Variants in PLA2G4C observed in about 807,000 individuals in gnomAD.
PLA2G4C encodes cytosolic phospholipase A2 gamma.
Under a neutral mutation model 73.8 loss-of-function variants are expected in PLA2G4C, and 64 were observed. The ratio of observed to expected loss-of-function variants is 0.87; its 90% CI spans 0.71 to 1.07. The LOEUF (loss-of-function observed/expected upper bound fraction) is 1.07, where lower values mean the gene tolerates loss of function less well. Among genes scored for constraint, PLA2G4C ranks in the 50% least tolerant of loss-of-function variants. The probability of loss-of-function intolerance (pLI) is 0.00; values close to 1 mark genes in which losing one functional copy is unlikely to be tolerated. For missense variants in PLA2G4C, 622 were observed against 665.4 expected (o/e 0.93, Z 0.72); for synonymous variants, 254 against 252.1 (o/e 1.01, Z -0.07).
chr19:48,074,664 A>G (rs571358458), intron 12 of PLA2G4C, 103 bp downstream of exon 12: 59 of 780,566 alleles, frequency 7.6e-5, no homozygotes, highest in South Asian at 2.1e-4. Context: ...ACATCTGGTC[A>G]TGTCCCCTGC....
intron 7 of PLA2G4C, among the ~76,000 whole-genome samples, chr19:48,093,804 G>T (rs2031433400): frequency 6.6e-6 from 1 of 152,196 alleles, no homozygotes; most frequent in African/African-American, 2.4e-5. Context: ...GAGGTAATCA[G>T]ATCATGGGGG....
At chr19:48,058,742 C>A (rs987300488) in intron 14 of PLA2G4C, among the ~76,000 whole-genome samples, 6 of 150,480 alleles carry the variant, frequency 4.0e-5, no homozygotes, top group African/African-American at 1.5e-4. Flanking sequence ...CACTTGAACC[C>A]GGGAGGCGAA....
At chr19:48,067,916 G>A (rs1190442553) in intron 12 of PLA2G4C, 30 bp from the exon 13 acceptor site, 5 of 1,474,044 alleles carry the variant, frequency 3.4e-6, no homozygotes, top group African/African-American at 1.4e-5. Flanking sequence ...CAGCCAAGGT[G>A]AGTTCAGGAG....
chr19:48,048,168 C>T lies in PLA2G4C; in HGVS notation c.*175G>A, dbSNP rs1016399116. Reference sequence around the variant, plus strand: ...TCCTTGGACGCCTTCTTCTGAATGACGCTATCAAAATCACAGTCTAGCTGG... The same window carrying T: ...TCCTTGGACGCCTTCTTCTGAATGATGCTATCAAAATCACAGTCTAGCTGG... On this transcript the variant is annotated 3_prime_UTR_variant, in exon 17 of 17. Transcript: ENST00000599921. The T allele has an allele frequency of 5.9e-5, 34 of 571,870 alleles. No individual in the cohort carries two copies. Among genetic ancestry groups the T allele is most frequent in the African/African-American group, 8.0e-5 (4 of 50,266 alleles). 35.4% of individuals were successfully genotyped at this position (571,870 alleles called of 1,614,324 possible).
intron 6 of PLA2G4C, among the ~76,000 whole-genome samples, chr19:48,096,452 G>A (rs445064): frequency 0.065 from 9,842 of 152,144 alleles, 626 homozygotes; most frequent in African/African-American, 0.16. Context: ...GCGTGGTGGT[G>A]CATGCCTATA....
At chr19:48,065,957 G>GT (rs1968401954) in intron 13 of PLA2G4C, among the ~76,000 whole-genome samples, 1 of 152,116 alleles carries the variant, frequency 6.6e-6, no homozygotes, top group African/African-American at 2.4e-5. Context: ...GCCAGGCGTG[G>GT]TGGCGCATGC....
intron 13 of PLA2G4C, chr19:48,062,369 G>A: frequency 2.5e-6 from 1 of 405,712 alleles, no homozygotes; most frequent in Non-Finnish European, 4.4e-6. Context: ...CCAGCACTTT[G>A]GGGGCTGAGG....
chr19:48,089,446 T>C (rs552330311), intron 8 of PLA2G4C, among the ~76,000 whole-genome samples: 6 of 151,954 alleles, frequency 3.9e-5, no homozygotes, highest in Non-Finnish European at 5.9e-5. Context: ...AAAGTCAAAG[T>C]GTAAGAACTA....
chr19:48,082,496 C>CTTTTTTTTTTTTTTTTTTTTTTTTTTTT (rs66641645), intron 10 of PLA2G4C, among the ~76,000 whole-genome samples: 29 of 106,274 alleles, frequency 2.7e-4, no homozygotes, highest in Admixed American at 4.8e-4. Flanking sequence ...TTCTTTCTTT[C>CTTTTTTTTTTTTTTTTTTTTTTTTTTTT]TTTTTTTTTT....
At chr19:48,109,761 T>C (rs251697) in intron 1 of PLA2G4C, among the ~76,000 whole-genome samples, 67,670 of 151,842 alleles carry the variant, frequency 0.45, 15,481 homozygotes, top group East Asian at 0.63. Flanking sequence ...GCCATTCTCC[T>C]GCCTCAGCCT....
intron 10 of PLA2G4C, among the ~76,000 whole-genome samples, chr19:48,083,983 T>G (rs1206798152): frequency 6.6e-6 from 1 of 151,680 alleles, no homozygotes; most frequent in Non-Finnish European, 1.5e-5. Flanking sequence ...GACAACAGCA[T>G]CCACTTCTTC....
At chr19:48,077,876 T>C (rs749083569) in intron 10 of PLA2G4C, 52 bp from the exon 11 acceptor site, 9 of 1,466,000 alleles carry the variant, frequency 6.1e-6, no homozygotes, top group Non-Finnish European at 8.5e-6. Flanking sequence ...TCACTAGTTA[T>C]AGAAAATACA....
intron 4 of PLA2G4C, among the ~76,000 whole-genome samples, chr19:48,101,126 A>ATATATATATATATATT (rs1491313107): frequency 5.9e-4 from 44 of 74,106 alleles, no homozygotes; most frequent in African/African-American, 2.7e-3. Context: ...ATATATATAT[A>ATATATATATATATATT]TTTTTTTTTT....
At chr19:48,068,504 G>A (rs191913093) in intron 12 of PLA2G4C, among the ~76,000 whole-genome samples, 79 of 151,782 alleles carry the variant, frequency 5.2e-4, no homozygotes, top group African/African-American at 1.7e-3. Context: ...GCAAGAGAGC[G>A]AGACCACATC....
intron 14 of PLA2G4C, among the ~76,000 whole-genome samples, chr19:48,057,691 T>C (rs1431256686): frequency 1.0e-4 from 15 of 150,516 alleles, no homozygotes; most frequent in Non-Finnish European, 1.3e-4. Flanking sequence ...GGTTTCGCCA[T>C]GTTGGCCAGG....
At chr19:48,090,531 G>A in intron 7 of PLA2G4C, 114 bp from the exon 8 acceptor site, 1 of 778,324 alleles carries the variant, frequency 1.3e-6, no homozygotes, top group Non-Finnish European at 2.3e-6. Flanking sequence ...GCAGCAGGAA[G>A]AAAGATCTTT....
At chr19:48,097,331 C>A (rs1348121312) in intron 6 of PLA2G4C, among the ~76,000 whole-genome samples, 40 of 143,020 alleles carry the variant, frequency 2.8e-4, no homozygotes, top group Admixed American at 4.9e-4. Flanking sequence ...CAGCTCACTG[C>A]AACCTCCGCC....
intron 14 of PLA2G4C, chr19:48,061,645 G>A (rs1040671673): frequency 8.8e-6 from 2 of 226,608 alleles, no homozygotes; most frequent in Middle Eastern, 1.8e-3. Context: ...GAAGACACGC[G>A]CTCGGGGCTG....
At position 48,105,925 on chromosome 19, in the gene PLA2G4C, CCCTCCCTCCCTCCCTCCCTCCCTT is replaced by C. The variant is rs1334592247; in HGVS notation, c.9-505_9-482del. ...TCCCTCCCTCCCTCCCTCCCTCCCT[CCCTCCCTCCCTCCCTCCCTCCCTT>C]CTTTCTTTCTTTCTTTCTTTCTTTC... On this transcript the variant is annotated intron_variant, in intron 2 of 16. Coordinates refer to ENST00000599921, the MANE Select transcript of PLA2G4C (RefSeq NM_003706.3). Among the ~76,000 whole-genome samples, 41 of 13,894 alleles carry C rather than the reference CCCTCCCTCCCTCCCTCCCTCCCTT, an allele frequency of 3.0e-3. 2 individuals carry two copies. Among genetic ancestry groups the C allele is most frequent in the African/African-American group, 0.018 (21 of 1,140 alleles). 9.1% of individuals were successfully genotyped at this position (13,894 alleles called of 152,430 possible). A position where few individuals can be genotyped will look rare whatever the true frequency, so the allele number is the denominator to read the frequency against.
Sources: gnomAD v4.1 joint callset for allele counts (sites outside exome capture counted in the v4.1 genomes callset) on GRCh38, gnomAD v4.1.1 for gene constraint, MANE v1.5 for transcripts, NCBI Gene and HGNC (gene_info 2026-07-23, HGNC 2026-07-21) for gene names.